SIM2: variants seen among roughly 807,000 people sequenced by gnomAD.
The protein encoded by SIM2 is single-minded homolog 2.
Under a neutral mutation model 64.8 loss-of-function variants are expected in SIM2, and 28 were observed. The ratio of observed to expected loss-of-function variants is 0.43; its 90% CI spans 0.32 to 0.59. SIM2 has a LOEUF of 0.59. Ranked by LOEUF, SIM2 falls within the 20% of genes least tolerant of loss-of-function variation. The probability of loss-of-function intolerance (pLI) is 0.07; values close to 1 mark genes in which losing one functional copy is unlikely to be tolerated. For missense variants in SIM2, 847 were observed against 871.4 expected, an observed-to-expected ratio of 0.97 and a Z score of 0.35; for synonymous variants, 408 against 391.1, an observed-to-expected ratio of 1.04 and a Z score of -0.51.
Position 36,719,851 on chromosome 21 carries a change from T to C in SIM2, c.379T>C (p.Tyr127His). Residue 127 changes from tyrosine (Y) to histidine (H), a missense_variant, in exon 4 of 11, where the codon TAC (tyrosine) becomes CAC (histidine). Coordinates refer to ENST00000290399, the MANE Select transcript of SIM2 (RefSeq NM_005069.6). The part of the protein sequence containing the change: ...VELTGNSIYE[Y>H]IHPSDHDEMT... The stretch of plus-strand genomic sequence containing the variant: ...GCTCACGGGCAACAGTATTTATGAA[T>C]ACATCCATCCTTCTGACCACGATGA... The C allele has an allele frequency of 6.2e-7, 1 of 1,612,652 alleles. No homozygotes were observed. Among genetic ancestry groups the C allele is most frequent in the Non-Finnish European group, 8.5e-7 (1 of 1,179,070 alleles).
chr21:36,744,311 C>CCAAAAAAA (rs1555877734), intron 9 of SIM2, among the ~76,000 whole-genome samples: 1 of 41,758 alleles, frequency 2.4e-5, no homozygotes, highest in African/African-American at 6.3e-5. Context: ...CACATTATGA[C>CCAAAAAAA]AAAAAAAAAA....
Position 36,748,009 on chromosome 21 carries a change from C to A in SIM2, c.1921C>A (p.Pro641Thr). 1 of 1,140,028 alleles carries A rather than the reference C, an allele frequency of 8.8e-7. No individual in the cohort carries two copies. The highest frequency in any genetic ancestry group is 1.1e-6 in the Non-Finnish European group (1 of 930,202). 70.6% of individuals were successfully genotyped at this position (1,140,028 alleles called of 1,614,324 possible). ...GACCGGCGCGCTGCGGCTCCGGCACCCGAGCCCCGCCGCCACCTCCCCGCC... is the reference window on the plus strand; with the variant it reads ...GACCGGCGCGCTGCGGCTCCGGCACACGAGCCCCGCCGCCACCTCCCCGCC... ...AATGALRLRH[P>T]SPAATSPPGA... is the part of the protein sequence containing the mutation. Residue 641 changes from proline (P) to threonine (T), a missense_variant, in exon 11 of 11, where the codon CCG (proline) becomes ACG (threonine). Pro to Thr is a conservative substitution (Grantham distance 38). Transcript: ENST00000290399.
chr21:36,708,317 G>A (rs948736576), intron 1 of SIM2, among the ~76,000 whole-genome samples: 1 of 152,268 alleles, frequency 6.6e-6, no homozygotes, highest in African/African-American at 2.4e-5. Context: ...CAGTCAGGTC[G>A]AGGGTGCAGC....
At position 36,748,477 on chromosome 21, in the gene SIM2, C is replaced by T. The variant is rs920499099; in HGVS notation, c.*385C>T. 2 of 152,590 alleles carry T rather than the reference C, an allele frequency of 1.3e-5. No homozygotes were observed. The highest frequency in any genetic ancestry group is 4.8e-5 in the African/African-American group (2 of 41,484). The allele number at this position is 152,590 out of a possible 1,614,324, so 9.5% of individuals were successfully genotyped here. A position where few individuals can be genotyped will look rare whatever the true frequency, so the allele number is the denominator to read the frequency against. On this transcript the variant is annotated 3_prime_UTR_variant, in exon 11 of 11. Transcript: ENST00000290399. The stretch of plus-strand genomic sequence containing the variant: ...CCACTTTCAGGAGGGAAAACCCACC[C>T]TACCACAGTCCGCTCTTCCAAGTGG...
chr21:36,702,751 T>C (rs2123407790), intron 1 of SIM2, among the ~76,000 whole-genome samples: 1 of 151,684 alleles, frequency 6.6e-6, no homozygotes, highest in East Asian at 1.9e-4. Flanking sequence ...AGGGTCAGGG[T>C]GGTGGCCCTA....
rs747573399 is a variant in SIM2, at chr21:36,744,940, G to A, written c.1380G>A (p.Met460Ile). 13 of 1,614,118 alleles carry A rather than the reference G, an allele frequency of 8.1e-6. No homozygotes were observed. Among genetic ancestry groups the A allele is most frequent in the Non-Finnish European group, 1.1e-5 (13 of 1,180,048 alleles). Residue 460 changes from methionine to isoleucine, a missense_variant, in exon 10 of 11, where the codon ATG becomes ATA. By Grantham distance (10) the Met-to-Ile change is conservative. Around this residue, in one of 3 missense-constraint regions of SIM2, gnomAD observed 447 missense variants for 414.6 expected, o/e 1.08. Transcript: ENST00000290399. ...DSHVFSSKKP[M>I]LPAKFGQPQG... ...ACGTCTTCAGCAGCAAAAAGCCAAT[G>A]TTGCCGGCCAAGTTCGGGCAGCCCC... is the stretch of plus-strand genomic sequence containing the variant.
At chr21:36,741,480 A>G (rs1489539741) in intron 7 of SIM2, among the ~76,000 whole-genome samples, 1 of 152,236 alleles carries the variant, frequency 6.6e-6, no homozygotes, top group Non-Finnish European at 1.5e-5. Context: ...AAGAGTTCTT[A>G]ATGGGTGGGA....
At chr21:36,739,354 G>A (rs1011851276) in intron 7 of SIM2, among the ~76,000 whole-genome samples, 3 of 152,102 alleles carry the variant, frequency 2.0e-5, no homozygotes, top group Admixed American at 6.5e-5. Flanking sequence ...GTGTATGCAC[G>A]TGCCCACTTT....
chr21:36,709,506 G>C (rs1157822728), intron 2 of SIM2: 1 of 645,372 alleles, frequency 1.5e-6, no homozygotes, highest in Admixed American at 2.2e-5. Flanking sequence ...GGCCACCTGA[G>C]ACCTACGCCA....
chr21:36,699,620 C>T lies in SIM2; in HGVS notation c.-127C>T. ...ACCCCGGGAGGCCCCCCGCACCTGC[C>T]CGCGGCCCACTCCGCGGACTCACCT... On this transcript the variant is annotated 5_prime_UTR_variant, in exon 1 of 11. Coordinates refer to ENST00000290399, the MANE Select transcript of SIM2 (RefSeq NM_005069.6). This position sits in a 1 kb window ranked among gnomAD's most constrained non-coding sequence, Gnocchi z 5.6. The T allele has an allele frequency of 9.3e-7, 1 of 1,076,940 alleles. No individual in the cohort carries two copies. Among genetic ancestry groups the T allele is most frequent in the Non-Finnish European group, 1.3e-6 (1 of 784,904 alleles). 66.7% of individuals were successfully genotyped at this position (1,076,940 alleles called of 1,614,324 possible). A position where few individuals can be genotyped will look rare whatever the true frequency, so the allele number is the denominator to read the frequency against.
intron 5 of SIM2, among the ~76,000 whole-genome samples, chr21:36,724,548 G>A (rs2088865386): frequency 6.6e-6 from 1 of 152,200 alleles, no homozygotes; most frequent in South Asian, 2.1e-4. Flanking sequence ...CAAAGTGTCA[G>A]GATTACAGAC....
At chr21:36,716,749 C>T (rs1221958006) in intron 3 of SIM2, among the ~76,000 whole-genome samples, 1 of 152,144 alleles carries the variant, frequency 6.6e-6, no homozygotes, top group Non-Finnish European at 1.5e-5. Flanking sequence ...AGTAGGAAAG[C>T]TATCCATTTT....
Position 36,745,960 on chromosome 21 carries a change from T to C in SIM2, c.1576+824T>C. Reference sequence around the variant, plus strand: ...CGAGACCTAACTGCCGCTCAGAGTGTAGACCGAGATGGTGCAGATGCCTGC... The same window carrying C: ...CGAGACCTAACTGCCGCTCAGAGTGCAGACCGAGATGGTGCAGATGCCTGC... On this transcript the variant is annotated intron_variant, in intron 10 of 10. Coordinates refer to ENST00000290399, the MANE Select transcript of SIM2 (RefSeq NM_005069.6). This position sits in a 1 kb window ranked among gnomAD's most constrained non-coding sequence, Gnocchi z 4.8. 4.1e-6 allele frequency: 5 copies of C among 1,227,342 alleles called. No homozygotes were observed. Among genetic ancestry groups the C allele is most frequent in the Non-Finnish European group, 4.2e-6 (4 of 948,802 alleles). 76.0% of individuals were successfully genotyped at this position (1,227,342 alleles called of 1,614,324 possible). A position where few individuals can be genotyped will look rare whatever the true frequency, so the allele number is the denominator to read the frequency against.
chr21:36,728,774 C>G (rs2088927758), intron 6 of SIM2, among the ~76,000 whole-genome samples: 2 of 152,240 alleles, frequency 1.3e-5, no homozygotes, highest in South Asian at 4.1e-4. Context: ...GATGTCCCTT[C>G]TGAGTCCAAA....
At chr21:36,716,136 G>A (rs1289211854) in intron 3 of SIM2, among the ~76,000 whole-genome samples, 1 of 152,258 alleles carries the variant, frequency 6.6e-6, no homozygotes, top group Non-Finnish European at 1.5e-5. Context: ...ATGAGGTAGA[G>A]TTGGGGCAGC....
intron 3 of SIM2, among the ~76,000 whole-genome samples, chr21:36,713,585 G>T (rs1317986204): frequency 1.3e-5 from 2 of 152,166 alleles, no homozygotes; most frequent in East Asian, 3.8e-4. Context: ...GTTCCAGAGA[G>T]GCCCATATTG....
At chr21:36,715,192 A>T (rs2088730378) in intron 3 of SIM2, among the ~76,000 whole-genome samples, 2 of 152,204 alleles carry the variant, frequency 1.3e-5, no homozygotes, top group African/African-American at 4.8e-5. Context: ...TCCACGGTGA[A>T]CTGTTTAAAT....
chr21:36,744,860 C>G lies in SIM2; in HGVS notation c.1300C>G (p.Pro434Ala), dbSNP rs137945799. Residue 434 changes from proline to alanine, a missense_variant, in exon 10 of 11, where the codon CCA (proline) becomes GCA (alanine). Pro to Ala is a conservative substitution (Grantham distance 27). Coordinates refer to ENST00000290399, the MANE Select transcript of SIM2 (RefSeq NM_005069.6). ...AGAAAGCAGTGACCTTCTGTACACG[C>G]CATCCTACAGCCTGCCCTTCTCCTA... is the stretch of plus-strand genomic sequence containing the variant. ...HSESSDLLYT[P>A]SYSLPFSYHY... 6.2e-7 allele frequency: 1 copy of G among 1,614,258 alleles called. No individual in the cohort carries two copies. Among genetic ancestry groups the G allele is most frequent in the Non-Finnish European group, 8.5e-7 (1 of 1,180,046 alleles).
Position 36,744,942 on chromosome 21 carries a change from T to C in SIM2, c.1382T>C (p.Leu461Ser), listed in dbSNP as rs769059784. ...GTCTTCAGCAGCAAAAAGCCAATGT[T>C]GCCGGCCAAGTTCGGGCAGCCCCAA... is the stretch of plus-strand genomic sequence containing the variant. ...SHVFSSKKPMLPAKFGQPQGS... is the reference protein window; with the variant it reads ...SHVFSSKKPMSPAKFGQPQGS... The change falls in exon 10 of 11, where the codon TTG (leucine) becomes TCG (serine). Residue 461 changes from leucine to serine, a missense_variant. Around this residue, in one of 3 missense-constraint regions of SIM2, gnomAD observed 447 missense variants for 414.6 expected, o/e 1.08. Coordinates refer to ENST00000290399, the MANE Select transcript of SIM2 (RefSeq NM_005069.6). The C allele has an allele frequency of 1.9e-6, 3 of 1,614,238 alleles. No individual in the cohort carries two copies. Among genetic ancestry groups the C allele is most frequent in the Non-Finnish European group, 2.5e-6 (3 of 1,180,042 alleles).
Sources: gnomAD v4.1 joint callset for allele counts (sites outside exome capture counted in the v4.1 genomes callset) on GRCh38, gnomAD v4.1.1 for gene constraint, gnomAD v4.1.1 regional missense constraint, Gnocchi (gnomAD v3.1) non-coding constraint, MANE v1.5 for transcripts, NCBI Gene and HGNC (gene_info 2026-07-23, HGNC 2026-07-21) for gene names.